The following PDE7B variants were observed in gnomAD, a reference collection of about 807,000 sequenced individuals.
PDE7B encodes the protein 3',5'-cyclic-AMP phosphodiesterase 7B.
A neutral mutation model predicts 56.2 loss-of-function variants in PDE7B; 29 were observed. That is an observed-to-expected ratio of 0.52 (90% CI 0.38 to 0.70). The LOEUF (loss-of-function observed/expected upper bound fraction) is 0.70. Ranked by LOEUF, PDE7B falls within the 30% of genes least tolerant of loss-of-function variation. The probability of loss-of-function intolerance (pLI) is 0.00; values close to 1 mark genes in which losing one functional copy is unlikely to be tolerated. For synonymous variants in PDE7B, 197 were observed against 196.9 expected (o/e 1.00, Z 0.00); for missense variants, 490 against 565.0 (o/e 0.87, Z 1.35).
At chr6:136,008,404 G>A (rs1489917020) in intron 2 of PDE7B, among the ~76,000 whole-genome samples, 3 of 152,138 alleles carry the variant, frequency 2.0e-5, no homozygotes, top group Non-Finnish European at 2.9e-5. Context: ...CTGAGGAATC[G>A]CCACACTGAC....
chr6:135,890,432 G>A (rs905891026), intron 1 of PDE7B, among the ~76,000 whole-genome samples: 2 of 152,146 alleles, frequency 1.3e-5, no homozygotes, highest in African/African-American at 2.4e-5. Context: ...GTTTCACTCC[G>A]GTGAATGTAA....
chr6:136,081,176 A>T (rs1777202050), intron 2 of PDE7B, among the ~76,000 whole-genome samples: 1 of 152,190 alleles, frequency 6.6e-6, no homozygotes, highest in Admixed American at 6.5e-5. Context: ...GGAGAGGGTC[A>T]TCATTTCAGA....
At chr6:136,180,168 C>T (rs1779040108) in intron 10 of PDE7B, among the ~76,000 whole-genome samples, 1 of 152,190 alleles carries the variant, frequency 6.6e-6, no homozygotes, top group Non-Finnish European at 1.5e-5. Flanking sequence ...GTCCAAAGTG[C>T]TCCATCTTTG....
chr6:135,895,171 A>G (rs956921631), intron 1 of PDE7B, among the ~76,000 whole-genome samples: 1 of 152,162 alleles, frequency 6.6e-6, no homozygotes, highest in African/African-American at 2.4e-5. Flanking sequence ...TGAGATGTAC[A>G]TTGCCCATTG....
chr6:136,099,547 T>C (rs1253454769), intron 2 of PDE7B, among the ~76,000 whole-genome samples: 2 of 152,244 alleles, frequency 1.3e-5, no homozygotes, highest in African/African-American at 2.4e-5. Flanking sequence ...CATTTTTTCA[T>C]ATGTCTGTTG....
intron 1 of PDE7B, among the ~76,000 whole-genome samples, chr6:135,929,723 G>C (rs1422840558): frequency 6.6e-6 from 1 of 152,144 alleles, no homozygotes; most frequent in South Asian, 2.1e-4. Context: ...TTCCATCTGT[G>C]TGATTGATGC....
intron 2 of PDE7B, among the ~76,000 whole-genome samples, chr6:136,064,191 G>A: frequency 6.6e-6 from 1 of 152,160 alleles, no homozygotes; most frequent in Non-Finnish European, 1.5e-5. Flanking sequence ...CTCTGAGAGT[G>A]CAGCTGTATT....
At chr6:136,046,853 C>A (rs1776517919) in intron 2 of PDE7B, among the ~76,000 whole-genome samples, 1 of 152,156 alleles carries the variant, frequency 6.6e-6, no homozygotes. Flanking sequence ...TGCAAACTCA[C>A]ACACAAAACA....
At chr6:136,120,044 A>G (rs1297654258) in intron 3 of PDE7B, among the ~76,000 whole-genome samples, 1 of 152,098 alleles carries the variant, frequency 6.6e-6, no homozygotes, top group Non-Finnish European at 1.5e-5. Flanking sequence ...TGCACATCTC[A>G]TGGGTTATTG....
chr6:136,150,840 A>T (rs1192984346), intron 5 of PDE7B, among the ~76,000 whole-genome samples: 1 of 118,320 alleles, frequency 8.5e-6, no homozygotes, highest in Non-Finnish European at 1.8e-5. Context: ...TCTTTAAAAA[A>T]ATACACATAT....
At chr6:136,113,739 T>C (rs1424412701) in intron 3 of PDE7B, among the ~76,000 whole-genome samples, 1 of 152,118 alleles carries the variant, frequency 6.6e-6, no homozygotes, top group Non-Finnish European at 1.5e-5. Flanking sequence ...GAGGAAAAAA[T>C]GTAGAGAAGA....
chr6:135,926,174 C>T (rs549349886), intron 1 of PDE7B, among the ~76,000 whole-genome samples: 282 of 151,182 alleles, frequency 1.9e-3, no homozygotes, highest in African/African-American at 6.1e-3. Flanking sequence ...GCAAGCTCCG[C>T]CTCCTGGGTT....
chr6:136,085,542 G>T (rs1184416810), intron 2 of PDE7B, among the ~76,000 whole-genome samples: 1 of 152,192 alleles, frequency 6.6e-6, no homozygotes, highest in African/African-American at 2.4e-5. Context: ...AGTGTTCAGA[G>T]AAACAGCTCT....
intron 2 of PDE7B, chr6:136,038,209 C>A: frequency 7.7e-7 from 1 of 1,297,176 alleles, no homozygotes. Context: ...GCAGCAGAAG[C>A]AGAAACAGCA....
At chr6:136,041,387 C>T (rs1776410686) in intron 2 of PDE7B, among the ~76,000 whole-genome samples, 1 of 152,118 alleles carries the variant, frequency 6.6e-6, no homozygotes, top group Non-Finnish European at 1.5e-5. Context: ...AGGTGAAATA[C>T]GCTGAATTAG....
chr6:135,976,073 A>G (rs1775181333), intron 2 of PDE7B, among the ~76,000 whole-genome samples: 2 of 152,294 alleles, frequency 1.3e-5, no homozygotes, highest in Middle Eastern at 3.4e-3. Flanking sequence ...GATACCACAG[A>G]AACCTGTGTA....
intron 1 of PDE7B, among the ~76,000 whole-genome samples, chr6:135,939,299 T>C (rs1774469887): frequency 6.6e-6 from 1 of 152,138 alleles, no homozygotes; most frequent in South Asian, 2.1e-4. Flanking sequence ...TTTTCTTTTT[T>C]TTCTTTTGCT....
At chr6:135,966,471 T>G (rs773856896) in intron 2 of PDE7B, among the ~76,000 whole-genome samples, 5 of 152,012 alleles carry the variant, frequency 3.3e-5, no homozygotes, top group Admixed American at 3.3e-4. Context: ...GGCTCCAGAG[T>G]CTCTTTATGA....
intron 1 of PDE7B, among the ~76,000 whole-genome samples, chr6:135,898,174 C>T (rs1038162721): frequency 4.6e-5 from 7 of 151,978 alleles, no homozygotes; most frequent in African/African-American, 1.2e-4. Flanking sequence ...GCATTTTGTT[C>T]GCAAGGAGGA....
Sources: allele counts gnomAD v4.1 joint callset (sites outside exome capture counted in the v4.1 genomes callset), GRCh38; gene constraint gnomAD v4.1.1; transcripts MANE v1.5; gene names NCBI Gene and HGNC (gene_info 2026-07-23, HGNC 2026-07-21).